Variants in COL22A1 observed in about 807,000 individuals in gnomAD.
The protein encoded by COL22A1 is collagen alpha-1(XXII) chain.
In COL22A1, 221 loss-of-function variants were observed where a neutral mutation model predicts 248.9. The observed-to-expected ratio is 0.89, with a 90% CI of 0.80 to 0.99. The LOEUF (loss-of-function observed/expected upper bound fraction) is 0.99. COL22A1 is among the 50% of genes least tolerant of loss of function. COL22A1 has a pLI of 0.00. For missense variants in COL22A1, 2,240 were observed against 2,179.0 expected, an observed-to-expected ratio of 1.03 and a Z score of -0.56; for synonymous variants, 891 against 793.4, an observed-to-expected ratio of 1.12 and a Z score of -2.07.
intron 34 of COL22A1, 76 bp from the exon 35 acceptor site, chr8:138,693,775 C>G (rs1001479100): frequency 1.3e-5 from 19 of 1,441,584 alleles, no homozygotes; most frequent in South Asian, 2.4e-5. Context: ...AGGGAGGTCT[C>G]GGGAATACCG....
At chr8:138,868,947 A>C (rs1236493267) in intron 3 of COL22A1, among the ~76,000 whole-genome samples, 1 of 152,042 alleles carries the variant, frequency 6.6e-6, no homozygotes, top group Admixed American at 6.5e-5. Flanking sequence ...GGTCAGGCTG[A>C]TCTTGAACTC....
intron 4 of COL22A1, among the ~76,000 whole-genome samples, chr8:138,834,102 G>A (rs1820253809): frequency 6.6e-6 from 1 of 152,160 alleles, no homozygotes; most frequent in African/African-American, 2.4e-5. Context: ...GGGGCCTGAG[G>A]ACAACACTCG....
Position 138,802,911 on chromosome 8 carries a change from C to G in COL22A1, c.1518G>C (p.Pro506=). 1 of 1,613,920 alleles carries G rather than the reference C, an allele frequency of 6.2e-7. No homozygotes were observed. Among genetic ancestry groups the G allele is most frequent in the South Asian group, 1.1e-5 (1 of 91,068 alleles). The change falls in exon 11 of 65, where the codon CCG becomes CCC. Residue 506 remains proline (P), a synonymous_variant. Transcript: ENST00000303045. The stretch of plus-strand genomic sequence containing the variant: ...CTCCCTTAGGTCCAGGAGCGCCAAC[C>G]GGCCCAATGGCTCCTATGTCTCCCT... ...GPKGDIGAIG[P]VGAPGPKGEK... is the part of the protein sequence containing the mutation.
At chr8:138,689,161 G>T (rs11779740) in intron 36 of COL22A1, among the ~76,000 whole-genome samples, 191 bp from the exon 37 acceptor site, 88 of 145,106 alleles carry the variant, frequency 6.1e-4, no homozygotes, top group African/African-American at 2.3e-3. Context: ...GCTCTCCCGG[G>T]GGGGGGGCTG....
intron 12 of COL22A1, among the ~76,000 whole-genome samples, chr8:138,792,705 C>T (rs560596870): frequency 9.2e-5 from 14 of 152,282 alleles, no homozygotes; most frequent in Admixed American, 7.8e-4. Flanking sequence ...TGTCTCTTCC[C>T]GTGGATAAAC....
rs141205207 is a variant in COL22A1, at chr8:138,701,284, G to A, written c.2560-1140C>T. ...TGTAGCTATATCTTTGCCACTGTAGGGTTAGTTTATCTTCTTGACTAGGCT... is the reference window on the plus strand; with the variant it reads ...TGTAGCTATATCTTTGCCACTGTAGAGTTAGTTTATCTTCTTGACTAGGCT... On this transcript the variant is annotated intron_variant, in intron 31 of 64. Coordinates refer to ENST00000303045, the MANE Select transcript of COL22A1 (RefSeq NM_152888.3). Among the ~76,000 whole-genome samples the A allele has an allele frequency of 5.7e-3, 865 of 152,158 alleles. 7 individuals are homozygous for A. The highest frequency in any genetic ancestry group is 0.02 in the African/African-American group (831 of 41,508).
intron 40 of COL22A1, 134 bp from the exon 41 acceptor site, chr8:138,676,769 A>G (rs1442913396): frequency 1.5e-6 from 1 of 654,938 alleles, no homozygotes; most frequent in Non-Finnish European, 2.7e-6. Flanking sequence ...GGGCCATGCT[A>G]TAGTCTACCC....
chr8:138,658,380 T>C (rs954980722), intron 44 of COL22A1, among the ~76,000 whole-genome samples: 1 of 152,160 alleles, frequency 6.6e-6, no homozygotes, highest in Non-Finnish European at 1.5e-5. Context: ...CAATATGATT[T>C]ATGGTGGGTG....
intron 3 of COL22A1, among the ~76,000 whole-genome samples, chr8:138,844,949 CAAAAAAAAAAA>C (rs56957004): frequency 2.0e-5 from 1 of 49,312 alleles, no homozygotes; most frequent in East Asian, 7.0e-4. Context: ...GACTCCATCT[CAAAAAAAAAAA>C]AAAAAAAAGG....
chr8:138,878,063 G>T lies in COL22A1; in HGVS notation c.345C>A (p.Thr115=). 6.3e-7 allele frequency: 1 copy of T among 1,597,656 alleles called. No individual in the cohort carries two copies. The highest frequency in any genetic ancestry group is 8.5e-7 in the Non-Finnish European group (1 of 1,172,848). ...TGTAGCGGAGCGCGTCTCCCGTGTTGGTGTTGCCCCCGTGGTAGGCGAGAC... is the reference window on the plus strand; with the variant it reads ...TGTAGCGGAGCGCGTCTCCCGTGTTTGTGTTGCCCCCGTGGTAGGCGAGAC... ...ARRLAYHGGN[T]NTGDALRYIT... is the part of the protein sequence containing the mutation. Residue 115 remains threonine (T), a synonymous_variant, in exon 3 of 65, where the codon ACC becomes ACA. Coordinates refer to ENST00000303045, the MANE Select transcript of COL22A1 (RefSeq NM_152888.3).
intron 45 of COL22A1, among the ~76,000 whole-genome samples, chr8:138,655,067 C>T (rs1042103395): frequency 1.3e-5 from 2 of 152,148 alleles, no homozygotes; most frequent in African/African-American, 2.4e-5. Context: ...CTGGTGTCAG[C>T]GAGAAAGGAT....
chr8:138,611,537 C>T (rs1818864785), intron 56 of COL22A1, among the ~76,000 whole-genome samples: 1 of 152,176 alleles, frequency 6.6e-6, no homozygotes, highest in African/African-American at 2.4e-5. Context: ...TCCCCAGTTG[C>T]CTTTTTACAC....
chr8:138,842,835 C>T (rs924906061), intron 4 of COL22A1, among the ~76,000 whole-genome samples: 3 of 152,180 alleles, frequency 2.0e-5, no homozygotes, highest in Admixed American at 6.5e-5. Flanking sequence ...GCACCAGCTA[C>T]GCAGCAGGTG....
intron 1 of COL22A1, among the ~76,000 whole-genome samples, chr8:138,902,403 C>G (rs1305773771): frequency 6.6e-6 from 1 of 152,128 alleles, no homozygotes; most frequent in Non-Finnish European, 1.5e-5. Context: ...CACTTTTATA[C>G]TAGAACTGAC....
intron 1 of COL22A1, among the ~76,000 whole-genome samples, chr8:138,890,810 C>T (rs754527874): frequency 7.3e-5 from 11 of 151,628 alleles, no homozygotes; most frequent in Middle Eastern, 6.8e-3. Context: ...CTCAGGAGTT[C>T]GAGACCAGCA....
chr8:138,766,756 C>A (rs1467519772), intron 16 of COL22A1, among the ~76,000 whole-genome samples: 2 of 152,170 alleles, frequency 1.3e-5, no homozygotes, highest in Non-Finnish European at 2.9e-5. Context: ...AGTGCGGTCT[C>A]AAGCTGAAAT....
intron 22 of COL22A1, among the ~76,000 whole-genome samples, chr8:138,738,065 T>C (rs550708430): frequency 6.6e-6 from 1 of 152,146 alleles, no homozygotes; most frequent in Non-Finnish European, 1.5e-5. Flanking sequence ...CTTTGCTTCT[T>C]TGTTTCCATT....
intron 42 of COL22A1, 44 bp from the exon 43 acceptor site, chr8:138,662,127 A>G: frequency 1.9e-6 from 3 of 1,550,154 alleles, no homozygotes; most frequent in Non-Finnish European, 2.7e-6. Flanking sequence ...ACAATATTTA[A>G]GCAAATAAGG....
chr8:138,764,369 G>A (rs370281443), intron 16 of COL22A1, among the ~76,000 whole-genome samples: 44 of 152,338 alleles, frequency 2.9e-4, no homozygotes, highest in African/African-American at 9.4e-4. Flanking sequence ...CAAATACTGA[G>A]GCTTCCTACT....
Sources: gnomAD v4.1 joint callset for allele counts (sites outside exome capture counted in the v4.1 genomes callset) on GRCh38, gnomAD v4.1.1 for gene constraint, MANE v1.5 for transcripts, NCBI Gene and HGNC (gene_info 2026-07-23, HGNC 2026-07-21) for gene names.